ZBED4: variants seen among roughly 807,000 people sequenced by gnomAD.
ZBED4 encodes the protein zinc finger BED domain-containing protein 4.
A neutral mutation model predicts 15.5 loss-of-function variants in ZBED4; 4 were observed. The observed-to-expected ratio is 0.26, with a 90% CI of 0.13 to 0.59. The LOEUF (loss-of-function observed/expected upper bound fraction) is 0.59. ZBED4 is among the 20% of genes least tolerant of loss of function. ZBED4 has a pLI of 0.90. For missense variants in ZBED4, 1,323 were observed against 1,461.8 expected, an observed-to-expected ratio of 0.91 and a Z score of 1.55; for synonymous variants, 692 against 608.5, an observed-to-expected ratio of 1.14 and a Z score of -2.02.
chr22:49,876,931 T>A (rs1177306782), intron 1 of ZBED4, among the ~76,000 whole-genome samples: 1 of 152,224 alleles, frequency 6.6e-6, no homozygotes, highest in Non-Finnish European at 1.5e-5. Context: ...CAAAGATTCC[T>A]TTGATGAATC....
At chr22:49,858,102 A>G (rs978046753) in intron 1 of ZBED4, among the ~76,000 whole-genome samples, 1 of 151,302 alleles carries the variant, frequency 6.6e-6, no homozygotes, top group Non-Finnish European at 1.5e-5. Context: ...GGCTGTCACC[A>G]TGTTGGCCAG....
intron 1 of ZBED4, among the ~76,000 whole-genome samples, chr22:49,881,174 C>T (rs961175170): frequency 3.9e-5 from 6 of 151,966 alleles, no homozygotes; most frequent in Non-Finnish European, 7.4e-5. Flanking sequence ...GGCGAAACCC[C>T]GTCTCTACTA....
At chr22:49,863,706 C>A (rs1476135305) in intron 1 of ZBED4, among the ~76,000 whole-genome samples, 1 of 151,850 alleles carries the variant, frequency 6.6e-6, no homozygotes, top group East Asian at 1.9e-4. Context: ...AGATAAACCT[C>A]TTCTTATCCA....
At chr22:49,871,819 A>G (rs1296366698) in intron 1 of ZBED4, among the ~76,000 whole-genome samples, 4 of 149,526 alleles carry the variant, frequency 2.7e-5, no homozygotes, top group African/African-American at 7.4e-5. Flanking sequence ...CAGTGGTGTG[A>G]TCTCAGCTCA....
intron 1 of ZBED4, among the ~76,000 whole-genome samples, chr22:49,861,545 C>T (rs1180909145): frequency 4.6e-5 from 7 of 151,108 alleles, no homozygotes; most frequent in African/African-American, 1.7e-4. Flanking sequence ...GTGATTTTCT[C>T]ACTGTACCCT....
At position 49,853,935 on chromosome 22, in the gene ZBED4, C is replaced by G. The variant is rs2060263067; in HGVS notation, c.-384C>G. ...GCCGCGGTAATGAATGGAGCGTCCGCCCGCGCCGCCGTCGTCCGCAGCCGG... is the reference window on the plus strand; with the variant it reads ...GCCGCGGTAATGAATGGAGCGTCCGGCCGCGCCGCCGTCGTCCGCAGCCGG... On this transcript the variant is annotated 5_prime_UTR_variant, in exon 1 of 2. Coordinates refer to ENST00000216268, the MANE Select transcript of ZBED4 (RefSeq NM_014838.3). 1 of 144,628 alleles carries G rather than the reference C, an allele frequency of 6.9e-6. No individual in the cohort carries two copies. The highest frequency in any genetic ancestry group is 2.0e-4 in the East Asian group (1 of 4,976). The allele number at this position is 144,628 out of a possible 1,614,324, so 9.0% of individuals were successfully genotyped here.
intron 1 of ZBED4, among the ~76,000 whole-genome samples, chr22:49,857,573 T>C (rs753328708): frequency 6.6e-6 from 1 of 152,194 alleles, no homozygotes; most frequent in Admixed American, 6.5e-5. Flanking sequence ...GTCTTTGACC[T>C]TTAGCTTTGG....
At chr22:49,859,078 C>G (rs546951329) in intron 1 of ZBED4, among the ~76,000 whole-genome samples, 1 of 152,198 alleles carries the variant, frequency 6.6e-6, no homozygotes, top group African/African-American at 2.4e-5. Context: ...TGTGGACGCT[C>G]TGCTCCCATC....
intron 1 of ZBED4, among the ~76,000 whole-genome samples, chr22:49,857,379 A>G (rs1032420774): frequency 6.6e-6 from 1 of 152,214 alleles, no homozygotes; most frequent in African/African-American, 2.4e-5. Flanking sequence ...TAGCAGAACA[A>G]TCCACATGAC....
In ZBED4 at chr22:49,885,921, C is replaced by A; in HGVS notation, c.2259C>A (p.Phe753Leu). ...CCCTCACGGCCCACTGGGTTTCCTT[C>A]GAGTCGCCAGCCCGGCCGCGCTGTG... Reference protein sequence around the residue: ...YLTLTAHWVSFESPARPRCDD... With the variant: ...YLTLTAHWVSLESPARPRCDD... The change falls in exon 2 of 2, where the codon TTC (phenylalanine) becomes TTA (leucine). Residue 753 changes from phenylalanine (F) to leucine (L), a missense_variant. Coordinates refer to ENST00000216268, the MANE Select transcript of ZBED4 (RefSeq NM_014838.3). 1.1e-6 allele frequency: 1 copy of A among 911,474 alleles called. No individual in the cohort carries two copies. The highest frequency in any genetic ancestry group is 1.8e-6 in the Non-Finnish European group (1 of 561,922). 56.5% of individuals were successfully genotyped at this position (911,474 alleles called of 1,614,324 possible). A position where few individuals can be genotyped will look rare whatever the true frequency, so the allele number is the denominator to read the frequency against.
intron 1 of ZBED4, among the ~76,000 whole-genome samples, chr22:49,878,497 C>A (rs2060390073): frequency 6.6e-6 from 1 of 152,130 alleles, no homozygotes; most frequent in African/African-American, 2.4e-5. Flanking sequence ...ATGGGCACTT[C>A]ATGGAGAAAG....
chr22:49,884,906 C>T lies in ZBED4; in HGVS notation c.1244C>T (p.Ser415Leu), dbSNP rs373015001. 5 of 1,602,602 alleles carry T rather than the reference C, an allele frequency of 3.1e-6. No homozygotes were observed. The African/African-American group carries it at 6.7e-5, about 21-fold the overall frequency. ...DGLMEDVAAF[S>L]SSDDIGEASA... ...CTGATGGAAGACGTGGCGGCCTTCT[C>T]ATCTTCCGATGACATAGGGGAGGCC... is the stretch of plus-strand genomic sequence containing the variant. The change falls in exon 2 of 2, where the codon TCA (serine) becomes TTA (leucine). Residue 415 changes from serine to leucine, a missense_variant. By Grantham distance (145) the Ser-to-Leu change is moderately radical (BLOSUM62 -2). Coordinates refer to ENST00000216268, the MANE Select transcript of ZBED4 (RefSeq NM_014838.3).
chr22:49,877,321 T>C (rs1201993160), intron 1 of ZBED4, among the ~76,000 whole-genome samples: 2 of 151,878 alleles, frequency 1.3e-5, no homozygotes, highest in Non-Finnish European at 2.9e-5. Context: ...AGATGGAGTT[T>C]TGCTCTGTCG....
chr22:49,884,037 T>C lies in ZBED4; in HGVS notation c.375T>C (p.Phe125=). 1 of 1,604,950 alleles carries C rather than the reference T, an allele frequency of 6.2e-7. No individual in the cohort carries two copies. The highest frequency in any genetic ancestry group is 8.5e-7 in the Non-Finnish European group (1 of 1,177,010). The change falls in exon 2 of 2, where the codon TTT becomes TTC. Residue 125 remains phenylalanine, a synonymous_variant. Coordinates refer to ENST00000216268, the MANE Select transcript of ZBED4 (RefSeq NM_014838.3). ...AGTCTCCAGCCTGGAAGCATTTTTT[T>C]ATCTCTCCCCGAGACAGCACTAAAG... ...RKKSPAWKHF[F]ISPRDSTKAI... is the part of the protein sequence containing the mutation.
At chr22:49,878,704 A>T (rs2060391156) in intron 1 of ZBED4, among the ~76,000 whole-genome samples, 1 of 152,236 alleles carries the variant, frequency 6.6e-6, no homozygotes, top group African/African-American at 2.4e-5. Context: ...AGTGAAGTGG[A>T]CTTCATCAAA....
chr22:49,872,966 G>A (rs2060356112), intron 1 of ZBED4, among the ~76,000 whole-genome samples: 1 of 152,108 alleles, frequency 6.6e-6, no homozygotes, highest in Non-Finnish European at 1.5e-5. Flanking sequence ...AAAGTGCTAG[G>A]ATTACAGGCG....
chr22:49,874,102 A>G (rs1406541679), intron 1 of ZBED4, among the ~76,000 whole-genome samples: 1 of 152,172 alleles, frequency 6.6e-6, no homozygotes, highest in Non-Finnish European at 1.5e-5. Flanking sequence ...TCGTCTGCCC[A>G]TCAAGGCAGT....
At chr22:49,869,371 C>A (rs1246338424) in intron 1 of ZBED4, among the ~76,000 whole-genome samples, 3 of 152,200 alleles carry the variant, frequency 2.0e-5, no homozygotes, top group Non-Finnish European at 4.4e-5. Flanking sequence ...CCACCTCGGG[C>A]CTTTTTGGCA....
In ZBED4 at chr22:49,884,732, C is replaced by T; in HGVS notation, c.1070C>T (p.Thr357Ile). 6.3e-7 allele frequency: 1 copy of T among 1,593,280 alleles called. No individual in the cohort carries two copies. The highest frequency in any genetic ancestry group is 8.6e-7 in the Non-Finnish European group (1 of 1,167,682). The change falls in exon 2 of 2, where the codon ACT (threonine) becomes ATT (isoleucine). Residue 357 changes from threonine to isoleucine, a missense_variant. By Grantham distance (89) the Thr-to-Ile change is moderately conservative. Transcript: ENST00000216268. ...CCGCCACTGTACTCCACCCCTCCCA[C>T]TCTGCTGCCTTCCTTGCTGCCGCCG... ...GIPPLYSTPP[T>I]LLPSLLPPEG...
Sources: allele counts gnomAD v4.1 joint callset (sites outside exome capture counted in the v4.1 genomes callset), GRCh38; gene constraint gnomAD v4.1.1; transcripts MANE v1.5; gene names NCBI Gene and HGNC (gene_info 2026-07-23, HGNC 2026-07-21).